NEBL: variants seen among roughly 807,000 people sequenced by gnomAD.
The protein encoded by NEBL is LIM and SH3 protein 2.
NEBL carries 122 observed loss-of-function variants against 140.2 expected under a neutral mutation model. That is an observed-to-expected ratio of 0.87 (90% CI 0.75 to 1.01). NEBL has a LOEUF of 1.01. Ranked by LOEUF, NEBL falls within the 50% of genes least tolerant of loss-of-function variation. The pLI is 0.00. For synonymous variants in NEBL, 436 were observed against 398.9 expected (o/e 1.09, Z -1.11); for missense variants, 1,365 against 1,231.3 (o/e 1.11, Z -1.62).
At chr10:21,202,611 T>C (rs956317624) in intron 3 of NEBL, among the ~76,000 whole-genome samples, 41 of 151,964 alleles carry the variant, frequency 2.7e-4, no homozygotes, top group Admixed American at 7.2e-4. Flanking sequence ...TACAGGCGCC[T>C]GCCACCATGC....
chr10:21,084,854 C>A (rs1158608818), intron 2 of NEBL, among the ~76,000 whole-genome samples: 2 of 152,198 alleles, frequency 1.3e-5, no homozygotes, highest in South Asian at 2.1e-4. Flanking sequence ...CTCAACATGA[C>A]TTTACCACCT....
intron 2 of NEBL, among the ~76,000 whole-genome samples, chr10:21,069,692 A>G (rs928321572): frequency 5.3e-5 from 8 of 152,136 alleles, no homozygotes; most frequent in African/African-American, 1.7e-4. Flanking sequence ...TTTTCATACA[A>G]CCTGGTATAG....
At chr10:20,989,553 T>A (rs1037357729) in intron 3 of NEBL, among the ~76,000 whole-genome samples, 5 of 152,162 alleles carry the variant, frequency 3.3e-5, no homozygotes, top group Non-Finnish European at 7.3e-5. Context: ...CATAAATTTA[T>A]GAAGTGTGAG....
At chr10:20,787,071 G>T in intron 27 of NEBL, 131 bp downstream of exon 27, 2 of 835,888 alleles carry the variant, frequency 2.4e-6, no homozygotes, top group South Asian at 1.4e-5. Flanking sequence ...TTGTATAAAT[G>T]GCAACACATC....
chr10:21,185,780 G>A (rs1010587999), intron 3 of NEBL, among the ~76,000 whole-genome samples: 1 of 152,144 alleles, frequency 6.6e-6, no homozygotes, highest in Non-Finnish European at 1.5e-5. Context: ...TTACAGGCGT[G>A]ACCCACTGCG....
chr10:20,995,763 C>G (rs548933160), intron 3 of NEBL, among the ~76,000 whole-genome samples: 1 of 152,082 alleles, frequency 6.6e-6, no homozygotes. Flanking sequence ...CTGAAGCTGA[C>G]GCAGCTGTTG....
intron 3 of NEBL, among the ~76,000 whole-genome samples, chr10:21,231,006 T>C (rs1166575648): frequency 6.6e-6 from 1 of 152,208 alleles, no homozygotes; most frequent in East Asian, 1.9e-4. Context: ...TTACTGTATG[T>C]CTTCCGTCCA....
chr10:20,827,117 A>G (rs977632569), intron 17 of NEBL, among the ~76,000 whole-genome samples: 9 of 152,208 alleles, frequency 5.9e-5, no homozygotes, highest in African/African-American at 2.2e-4. Context: ...AAAGCAGAAC[A>G]AAAACACAAG....
At chr10:21,278,731 C>T (rs567434556) in intron 1 of NEBL, among the ~76,000 whole-genome samples, 16 of 152,176 alleles carry the variant, frequency 1.1e-4, no homozygotes, top group African/African-American at 3.6e-4. Flanking sequence ...GAGAGTACAA[C>T]CCCTTCCTTT....
intron 3 of NEBL, among the ~76,000 whole-genome samples, chr10:21,019,301 A>T (rs1443220571): frequency 6.6e-6 from 1 of 152,266 alleles, no homozygotes; most frequent in Non-Finnish European, 1.5e-5. Context: ...TAGTGCAAAC[A>T]TCAGAGAAAC....
At chr10:21,078,824 C>G (rs561123200) in intron 2 of NEBL, among the ~76,000 whole-genome samples, 1 of 152,290 alleles carries the variant, frequency 6.6e-6, no homozygotes, top group South Asian at 2.1e-4. Context: ...CTAGAAGTTG[C>G]AGTCTTAGTG....
chr10:20,834,058 T>A (rs965231777), intron 14 of NEBL, among the ~76,000 whole-genome samples: 4 of 152,180 alleles, frequency 2.6e-5, no homozygotes, highest in South Asian at 2.1e-4. Flanking sequence ...ACATTTCCCT[T>A]GCAGACAACA....
chr10:21,198,850 C>A (rs926873444), intron 3 of NEBL, among the ~76,000 whole-genome samples: 1 of 152,056 alleles, frequency 6.6e-6, no homozygotes, highest in Non-Finnish European at 1.5e-5. Flanking sequence ...CAGAAAGTGA[C>A]CATTTTCTCT....
intron 3 of NEBL, among the ~76,000 whole-genome samples, chr10:21,009,787 C>T (rs1838266248): frequency 6.6e-6 from 1 of 152,072 alleles, no homozygotes; most frequent in Admixed American, 6.6e-5. Context: ...TGGGAAGGTC[C>T]TTCTGAAGCT....
At chr10:20,813,141 T>C (rs1588665524) in intron 23 of NEBL, among the ~76,000 whole-genome samples, 1 of 151,818 alleles carries the variant, frequency 6.6e-6, no homozygotes, top group East Asian at 1.9e-4. Context: ...TTCACAAAGT[T>C]TTTAATCATT....
chr10:20,987,644 T>C (rs957297358), intron 3 of NEBL, among the ~76,000 whole-genome samples: 3 of 152,186 alleles, frequency 2.0e-5, no homozygotes, highest in Non-Finnish European at 4.4e-5. Context: ...CAGTCTATAC[T>C]AGGATCCATC....
At chr10:21,251,748 G>T (rs1161367481) in exon 2 of NEBL, among the ~76,000 whole-genome samples, 1 of 152,036 alleles carries the variant, frequency 6.6e-6, no homozygotes, top group Non-Finnish European at 1.5e-5. Flanking sequence ...TGCCATATGA[G>T]GACACAGAGA....
chr10:21,167,413 T>C (rs1840825460), intron 2 of NEBL, among the ~76,000 whole-genome samples: 1 of 152,208 alleles, frequency 6.6e-6, no homozygotes, highest in African/African-American at 2.4e-5. Context: ...CCCAAAAATA[T>C]GTCTGTGAAT....
At chr10:21,080,780 G>C (rs1178272265) in intron 2 of NEBL, among the ~76,000 whole-genome samples, 3 of 152,108 alleles carry the variant, frequency 2.0e-5, no homozygotes, top group African/African-American at 7.2e-5. Flanking sequence ...CCTCCCAACA[G>C]TGCTAATTCT....
Sources: gnomAD v4.1 joint callset for allele counts (sites outside exome capture counted in the v4.1 genomes callset) on GRCh38, gnomAD v4.1.1 for gene constraint, MANE v1.5 for transcripts, NCBI Gene and HGNC (gene_info 2026-07-23, HGNC 2026-07-21) for gene names.